Variants in RBFOX1 observed in about 807,000 individuals in gnomAD.
The protein encoded by RBFOX1 is RNA binding fox-1 homolog 1.
RBFOX1 carries 8 observed loss-of-function variants against 57.7 expected under a neutral mutation model. The observed-to-expected ratio is 0.14, with a 90% CI of 0.08 to 0.25. RBFOX1 has a LOEUF of 0.25. Among genes scored for constraint, RBFOX1 ranks in the 10% least tolerant of loss-of-function variants. The probability of loss-of-function intolerance (pLI) is 1.00; values close to 1 mark genes in which losing one functional copy is unlikely to be tolerated. For synonymous variants in RBFOX1, 326 were observed against 222.4 expected (o/e 1.47, Z -4.15); for missense variants, 611 against 548.5 (o/e 1.11, Z -1.14).
chr16:5,625,478 C>G (rs1369943197), intron 3 of RBFOX1, among the ~76,000 whole-genome samples: 1 of 152,140 alleles, frequency 6.6e-6, no homozygotes, highest in Non-Finnish European at 1.5e-5. Flanking sequence ...CTGCACCGTT[C>G]TTCATAACCA....
Position 5,677,539 on chromosome 16 carries a change from G to A in RBFOX1, c.318+78578G>A, listed in dbSNP as rs8056222. 1.9e-3 allele frequency among the ~76,000 whole-genome samples: 286 copies of A among 152,286 alleles called. 2 individuals carry two copies. The highest frequency in any genetic ancestry group is 6.6e-3 in the African/African-American group (274 of 41,546). On this transcript the variant is annotated intron_variant, in intron 3 of 19. Transcript: ENST00000641259. ...TCATGTTGCTTTGATTTGAAGTCAA[G>A]TTTGAAAGAAATTCACCGGACCAAT...
intron 3 of RBFOX1, among the ~76,000 whole-genome samples, chr16:6,739,895 TCC>T (rs2071538985): frequency 6.6e-6 from 1 of 152,014 alleles, no homozygotes; most frequent in Non-Finnish European, 1.5e-5. Context: ...AACGTGGTGG[TCC>T]ACATTCCACT....
chr16:7,375,294 C>A (rs1019989812), intron 4 of RBFOX1, among the ~76,000 whole-genome samples: 2 of 152,124 alleles, frequency 1.3e-5, no homozygotes, highest in African/African-American at 4.8e-5. Flanking sequence ...TACTTCTATG[C>A]CATCTTATTA....
At chr16:5,730,837 T>C (rs2052339452) in intron 3 of RBFOX1, among the ~76,000 whole-genome samples, 2 of 152,056 alleles carry the variant, frequency 1.3e-5, no homozygotes, top group African/African-American at 2.4e-5. Context: ...ACCATTATCA[T>C]CATCATTGTC....
chr16:6,862,888 G>C (rs144291239), intron 3 of RBFOX1, among the ~76,000 whole-genome samples: 1,711 of 144,070 alleles, frequency 0.012, 41 homozygotes, highest in African/African-American at 0.04. Context: ...AGGAGGTTGA[G>C]GCAGGAGAAT....
chr16:7,587,331 T>C (rs1341103455), intron 7 of RBFOX1, 31 bp downstream of exon 7: 1 of 1,496,682 alleles, frequency 6.7e-7, no homozygotes, highest in East Asian at 2.4e-5. Flanking sequence ...TAGAATTGTT[T>C]AGTTTATTTT....
intron 2 of RBFOX1, among the ~76,000 whole-genome samples, chr16:6,642,434 A>T (rs944847987): frequency 6.6e-6 from 1 of 152,070 alleles, no homozygotes; most frequent in African/African-American, 2.4e-5. Flanking sequence ...TGGTGACAGG[A>T]GACTCCTACC....
intron 11 of RBFOX1, among the ~76,000 whole-genome samples, chr16:7,643,045 G>A (rs2143587187): frequency 6.6e-6 from 1 of 152,298 alleles, no homozygotes; most frequent in Admixed American, 6.5e-5. Flanking sequence ...TTGTCTGTTG[G>A]ATTAATCTAG....
chr16:6,977,477 G>A (rs1378793071), intron 3 of RBFOX1, among the ~76,000 whole-genome samples: 1 of 152,024 alleles, frequency 6.6e-6, no homozygotes, highest in African/African-American at 2.4e-5. Context: ...GACTTCCTGA[G>A]AATGCAGCCC....
chr16:7,529,489 C>T (rs1035571918), intron 5 of RBFOX1, among the ~76,000 whole-genome samples: 1 of 152,158 alleles, frequency 6.6e-6, no homozygotes, highest in Non-Finnish European at 1.5e-5. Context: ...AGGATGTGGT[C>T]CCTATCCATC....
intron 1 of RBFOX1, among the ~76,000 whole-genome samples, chr16:5,286,117 G>C (rs959599166): frequency 6.6e-6 from 1 of 152,106 alleles, no homozygotes. Context: ...GCTGAGGATG[G>C]GGATGCCAGG....
chr16:6,205,202 C>T (rs189773041), intron 1 of RBFOX1, among the ~76,000 whole-genome samples: 398 of 152,246 alleles, frequency 2.6e-3, no homozygotes, highest in African/African-American at 9.3e-3. Flanking sequence ...GTTACTGCTT[C>T]ATATATGGGA....
chr16:6,249,375 A>C (rs996395407), intron 1 of RBFOX1, among the ~76,000 whole-genome samples: 2 of 152,128 alleles, frequency 1.3e-5, no homozygotes, highest in Non-Finnish European at 2.9e-5. Flanking sequence ...TAATACAAAA[A>C]TTAGCCAGAC....
At chr16:5,832,658 A>C (rs1185510437) in intron 3 of RBFOX1, among the ~76,000 whole-genome samples, 1 of 152,148 alleles carries the variant, frequency 6.6e-6, no homozygotes, top group Non-Finnish European at 1.5e-5. Context: ...CAGGTGTGCA[A>C]TTGTGGGTCA....
chr16:7,263,753 G>A (rs1316093139), intron 4 of RBFOX1, among the ~76,000 whole-genome samples: 1 of 151,862 alleles, frequency 6.6e-6, no homozygotes, highest in Non-Finnish European at 1.5e-5. Context: ...AAAATTAGCT[G>A]GGTGTGGTGG....
intron 1 of RBFOX1, among the ~76,000 whole-genome samples, chr16:6,259,760 C>G (rs962673151): frequency 3.9e-5 from 6 of 152,024 alleles, no homozygotes; most frequent in Non-Finnish European, 7.4e-5. Context: ...GAGTTCGAGA[C>G]CAGCCTGGCA....
At chr16:7,006,887 T>C (rs976663504) in intron 3 of RBFOX1, among the ~76,000 whole-genome samples, 1 of 152,222 alleles carries the variant, frequency 6.6e-6, no homozygotes, top group African/African-American at 2.4e-5. Context: ...GCCTTTGTTC[T>C]GCCTTTAACA....
At chr16:7,267,422 G>C (rs2095187591) in intron 4 of RBFOX1, among the ~76,000 whole-genome samples, 2 of 151,904 alleles carry the variant, frequency 1.3e-5, no homozygotes, top group African/African-American at 4.8e-5. Context: ...TGCAATCCCA[G>C]TTACTTGAGA....
intron 1 of RBFOX1, among the ~76,000 whole-genome samples, chr16:6,236,006 T>TA (rs915165488): frequency 4.7e-4 from 72 of 151,804 alleles, no homozygotes; most frequent in Admixed American, 2.0e-4. Flanking sequence ...CCTATGGAAA[T>TA]AAAAAAAATT....
Sources: gnomAD v4.1 joint callset for allele counts (sites outside exome capture counted in the v4.1 genomes callset) on GRCh38, gnomAD v4.1.1 for gene constraint, MANE v1.5 for transcripts, NCBI Gene and HGNC (gene_info 2026-07-23, HGNC 2026-07-21) for gene names.